LRP1B: variants seen among roughly 807,000 people sequenced by gnomAD.
LRP1B encodes low-density lipoprotein receptor-related protein 1B.
In LRP1B, 217 loss-of-function variants were observed where a neutral mutation model predicts 556.6. The observed-to-expected ratio is 0.39, with a 90% CI of 0.35 to 0.44. The LOEUF (loss-of-function observed/expected upper bound fraction) is 0.44, where lower values mean the gene tolerates loss of function less well. LRP1B is among the 20% of genes least tolerant of loss of function. LRP1B has a pLI of 1.00. For missense variants in LRP1B, 5,053 were observed against 5,620.8 expected, an observed-to-expected ratio of 0.90 and a Z score of 3.23; for synonymous variants, 2,047 against 1,865.8, an observed-to-expected ratio of 1.10 and a Z score of -2.50.
intron 11 of LRP1B, among the ~76,000 whole-genome samples, chr2:141,038,771 T>C (rs1444909803): frequency 6.6e-6 from 1 of 152,084 alleles, no homozygotes; most frequent in Non-Finnish European, 1.5e-5. Context: ...TATTCCTAAG[T>C]AAATGAAGAA....
In LRP1B at chr2:141,665,623, C is replaced by G. The variant is rs561562630; in HGVS notation, c.205+144656G>C. On this transcript the variant is annotated intron_variant, in intron 2 of 90. Coordinates refer to ENST00000389484, the MANE Select transcript of LRP1B (RefSeq NM_018557.3). Reference sequence around the variant, plus strand: ...AATCATTCTGTTTTAAAGATACATGCATTCATATGTTCATTGTAGCACTAT... The same window carrying G: ...AATCATTCTGTTTTAAAGATACATGGATTCATATGTTCATTGTAGCACTAT... 1.1e-4 allele frequency among the ~76,000 whole-genome samples: 16 copies of G among 152,280 alleles called. No individual in the cohort carries two copies. The South Asian group carries it at 3.3e-3, about 32-fold the overall frequency.
At chr2:141,481,730 A>G (rs1682925566) in intron 2 of LRP1B, among the ~76,000 whole-genome samples, 4 of 152,168 alleles carry the variant, frequency 2.6e-5, no homozygotes, top group Admixed American at 2.6e-4. Flanking sequence ...CTGCAGAGCC[A>G]GATTCCTGGG....
chr2:140,732,118 T>C (rs1687799640), intron 35 of LRP1B, among the ~76,000 whole-genome samples: 1 of 152,110 alleles, frequency 6.6e-6, no homozygotes, highest in Non-Finnish European at 1.5e-5. Flanking sequence ...TGAAACAATC[T>C]GGTCATGAAT....
intron 2 of LRP1B, among the ~76,000 whole-genome samples, chr2:141,792,978 A>T (rs906365009): frequency 6.6e-6 from 1 of 151,976 alleles, no homozygotes; most frequent in African/African-American, 2.4e-5. Flanking sequence ...TTTTTAAGAG[A>T]TCATTTACTT....
intron 1 of LRP1B, among the ~76,000 whole-genome samples, chr2:141,893,130 G>A (rs754888387): frequency 5.5e-4 from 83 of 152,084 alleles, no homozygotes; most frequent in Non-Finnish European, 1.1e-3. Context: ...AGGAAATTTT[G>A]AAAATAATTT....
chr2:141,354,672 G>A (rs2105548378), intron 3 of LRP1B, among the ~76,000 whole-genome samples: 1 of 152,086 alleles, frequency 6.6e-6, no homozygotes, highest in South Asian at 2.1e-4. Context: ...GTGGAAATAC[G>A]TGTACCTCGG....
chr2:141,501,444 A>G (rs901965886), intron 2 of LRP1B, among the ~76,000 whole-genome samples: 1 of 152,166 alleles, frequency 6.6e-6, no homozygotes, highest in Non-Finnish European at 1.5e-5. Flanking sequence ...AAAATACAGC[A>G]GCCTGTAAAT....
At chr2:141,858,354 G>A (rs1333000599) in intron 1 of LRP1B, among the ~76,000 whole-genome samples, 1 of 152,014 alleles carries the variant, frequency 6.6e-6, no homozygotes, top group Non-Finnish European at 1.5e-5. Flanking sequence ...ATTCTACATT[G>A]TAAATACCTT....
At chr2:141,528,589 G>A (rs59610313) in intron 2 of LRP1B, among the ~76,000 whole-genome samples, 1 of 151,982 alleles carries the variant, frequency 6.6e-6, no homozygotes, top group Non-Finnish European at 1.5e-5. Flanking sequence ...CACATATATA[G>A]TACACACAAA....
chr2:141,354,493 G>T (rs1222195039), intron 3 of LRP1B, among the ~76,000 whole-genome samples: 3 of 152,028 alleles, frequency 2.0e-5, no homozygotes, highest in Non-Finnish European at 1.5e-5. Flanking sequence ...CTTTCAAAGA[G>T]AACCATTAAT....
chr2:141,347,296 G>GTTATAA (rs2105530296), intron 3 of LRP1B, among the ~76,000 whole-genome samples: 1 of 151,834 alleles, frequency 6.6e-6, no homozygotes, highest in Non-Finnish European at 1.5e-5. Flanking sequence ...GAATTTAAGT[G>GTTATAA]GTAATTGTAA....
intron 60 of LRP1B, among the ~76,000 whole-genome samples, chr2:140,468,634 C>G (rs1304172192): frequency 1.3e-5 from 2 of 152,158 alleles, no homozygotes; most frequent in Non-Finnish European, 2.9e-5. Flanking sequence ...TGGAGGCAGG[C>G]CCCCCTGGAA....
intron 6 of LRP1B, among the ~76,000 whole-genome samples, chr2:141,210,221 T>A: frequency 6.7e-6 from 1 of 149,154 alleles, no homozygotes. Flanking sequence ...GCTACAAGAT[T>A]AAAAACTTAC....
chr2:141,652,000 G>C (rs1276042076), intron 2 of LRP1B, among the ~76,000 whole-genome samples: 1 of 152,090 alleles, frequency 6.6e-6, no homozygotes, highest in Non-Finnish European at 1.5e-5. Context: ...AATGGTCTCT[G>C]TTCTCATTTA....
intron 2 of LRP1B, among the ~76,000 whole-genome samples, chr2:141,644,961 A>G (rs1283337502): frequency 6.6e-6 from 1 of 152,154 alleles, no homozygotes. Flanking sequence ...AACTAATTTT[A>G]GGGAAACATA....
intron 83 of LRP1B, among the ~76,000 whole-genome samples, chr2:140,300,038 C>A (rs200359573): frequency 2.6e-5 from 4 of 151,958 alleles, no homozygotes; most frequent in Non-Finnish European, 5.9e-5. Flanking sequence ...CTTGAAAATT[C>A]TTCTATCCCC....
intron 1 of LRP1B, among the ~76,000 whole-genome samples, chr2:141,975,599 G>T (rs1558997763): frequency 6.6e-6 from 1 of 152,192 alleles, no homozygotes; most frequent in East Asian, 1.9e-4. Context: ...TGTTAACATA[G>T]TTAGTTGACC....
At chr2:141,155,421 A>G (rs1391110963) in intron 7 of LRP1B, among the ~76,000 whole-genome samples, 1 of 151,762 alleles carries the variant, frequency 6.6e-6, no homozygotes, top group Non-Finnish European at 1.5e-5. Context: ...TTTTTCTGGA[A>G]ATGGCTGAAC....
intron 7 of LRP1B, among the ~76,000 whole-genome samples, chr2:141,077,104 C>G (rs550337530): frequency 2.2e-4 from 33 of 152,142 alleles, no homozygotes; most frequent in African/African-American, 7.7e-4. Flanking sequence ...AAAAATTAGC[C>G]AGGCGTGGCA....
Sources: allele counts gnomAD v4.1 joint callset (sites outside exome capture counted in the v4.1 genomes callset), GRCh38; gene constraint gnomAD v4.1.1; transcripts MANE v1.5; gene names NCBI Gene and HGNC (gene_info 2026-07-23, HGNC 2026-07-21).